FGF12: variants seen among roughly 807,000 people sequenced by gnomAD.
FGF12 encodes the protein fibroblast growth factor 12, also known as fibroblast growth factor 12B.
In FGF12, 14 loss-of-function variants were observed where a neutral mutation model predicts 23.6. That is an observed-to-expected ratio of 0.59 (90% CI 0.39 to 0.93). FGF12 has a LOEUF of 0.93. Among genes scored for constraint, FGF12 ranks in the 40% least tolerant of loss-of-function variants. FGF12 has a pLI of 0.00. For synonymous variants in FGF12, 62 were observed against 77.3 expected (o/e 0.80, Z 1.04); for missense variants, 175 against 217.8 (o/e 0.80, Z 1.24).
intron 5 of FGF12, among the ~76,000 whole-genome samples, chr3:192,149,395 T>C (rs1713916373): frequency 6.8e-6 from 1 of 147,402 alleles, no homozygotes; most frequent in Non-Finnish European, 1.5e-5. Context: ...ACATGTGCCA[T>C]GCTGGTGCAC....
At chr3:192,675,441 T>C (rs1054207615) in intron 2 of FGF12, among the ~76,000 whole-genome samples, 49 of 152,204 alleles carry the variant, frequency 3.2e-4, no homozygotes, top group Non-Finnish European at 4.4e-5. Flanking sequence ...TATAATTTAT[T>C]ATGCACACTC....
chr3:192,546,402 T>TAA (rs1301884219), intron 2 of FGF12, among the ~76,000 whole-genome samples: 1 of 151,072 alleles, frequency 6.6e-6, no homozygotes, highest in Non-Finnish European at 1.5e-5. Flanking sequence ...TATATATATA[T>TAA]AATTCATAAA....
chr3:192,319,062 C>T (rs1018546831), intron 4 of FGF12, among the ~76,000 whole-genome samples: 1 of 152,114 alleles, frequency 6.6e-6, no homozygotes, highest in Non-Finnish European at 1.5e-5. Flanking sequence ...TGAAGACCTT[C>T]TCAGATAAAC....
Position 192,585,964 on chromosome 3 carries a change from A to T in FGF12, c.13+141217T>A, listed in dbSNP as rs576799944. On this transcript the variant is annotated intron_variant, in intron 2 of 5. Transcript: ENST00000445105. The stretch of plus-strand genomic sequence containing the variant: ...AGCAGTAATAATATATGAAGAGAAA[A>T]TATTGTATTGAAAAAATTTTTCAAA... Among the ~76,000 whole-genome samples the T allele has an allele frequency of 2.0e-5, 3 of 152,326 alleles. No homozygotes were observed. The South Asian group carries it at 6.2e-4, about 32-fold the overall frequency.
At chr3:192,288,499 G>T (rs1045596390) in intron 4 of FGF12, among the ~76,000 whole-genome samples, 1 of 151,916 alleles carries the variant, frequency 6.6e-6, no homozygotes, top group Non-Finnish European at 1.5e-5. Context: ...TGTTATAGCT[G>T]ATATCCAGAT....
At chr3:192,605,966 C>A (rs898407810) in intron 2 of FGF12, among the ~76,000 whole-genome samples, 1 of 152,162 alleles carries the variant, frequency 6.6e-6, no homozygotes, top group Admixed American at 6.5e-5. Context: ...TTGGAGATTT[C>A]TCAAAGAACT....
chr3:192,480,142 A>C (rs1723441160), intron 2 of FGF12, among the ~76,000 whole-genome samples: 1 of 152,210 alleles, frequency 6.6e-6, no homozygotes, highest in South Asian at 2.1e-4. Flanking sequence ...AAGAAAGGGA[A>C]TTACAGAATC....
chr3:192,409,691 G>T lies in FGF12; in HGVS notation c.14-49153C>A, dbSNP rs1317604385. Among the ~76,000 whole-genome samples, 1 of 152,178 alleles carries T rather than the reference G, an allele frequency of 6.6e-6. No individual in the cohort carries two copies. Among genetic ancestry groups the T allele is most frequent in the Non-Finnish European group, 1.5e-5 (1 of 68,014 alleles). On this transcript the variant is annotated intron_variant, in intron 2 of 5. Coordinates refer to ENST00000445105, the MANE Select transcript of FGF12 (RefSeq NM_004113.6). This position sits in a 1 kb window ranked among gnomAD's most constrained non-coding sequence, Gnocchi z 4.8. Reference sequence around the variant, plus strand: ...CTCGCGGCGGCTGAGGCTCCTGGCCGGAGCTGCCCACCATGGTCTGGCGCC... The same window carrying T: ...CTCGCGGCGGCTGAGGCTCCTGGCCTGAGCTGCCCACCATGGTCTGGCGCC...
chr3:192,702,531 G>A (rs781715373), intron 2 of FGF12, among the ~76,000 whole-genome samples: 5 of 151,042 alleles, frequency 3.3e-5, no homozygotes, highest in African/African-American at 9.9e-5. Context: ...AGTGGATCAC[G>A]CCTGTAATCC....
At chr3:192,625,276 C>T (rs978481734) in intron 2 of FGF12, among the ~76,000 whole-genome samples, 9 of 152,068 alleles carry the variant, frequency 5.9e-5, no homozygotes, top group African/African-American at 1.7e-4. Flanking sequence ...TATACCAATT[C>T]TCATACTTGT....
rs1712074451 is a variant in FGF12 at position 192,562,243 on chromosome 3, G to A, written c.13+164938C>T. On this transcript the variant is annotated intron_variant, in intron 2 of 5. Transcript: ENST00000445105. The stretch of plus-strand genomic sequence containing the variant: ...AGATAATTGGTTGTGGGTGGGTGGG[G>A]AAGAGACTGACTGGAAGGGATGTGA... Among the ~76,000 whole-genome samples the A allele has an allele frequency of 2.6e-5, 4 of 152,268 alleles. No homozygotes were observed. The South Asian group carries it at 8.3e-4, about 32-fold the overall frequency.
At chr3:192,345,151 A>G (rs1298240231) in intron 3 of FGF12, among the ~76,000 whole-genome samples, 2 of 152,226 alleles carry the variant, frequency 1.3e-5, no homozygotes, top group Non-Finnish European at 2.9e-5. Flanking sequence ...TATATTCCAG[A>G]CATTGTGCCA....
intron 5 of FGF12, among the ~76,000 whole-genome samples, chr3:192,167,756 TATATATATATATAA>T (rs1347019893): frequency 1.9e-4 from 6 of 32,302 alleles, no homozygotes; most frequent in African/African-American, 5.3e-4. Flanking sequence ...TATATATATA[TATATATATATATAA>T]AATTTTTTTT....
chr3:192,517,924 A>G (rs1481323303), intron 2 of FGF12, among the ~76,000 whole-genome samples: 1 of 152,178 alleles, frequency 6.6e-6, no homozygotes, highest in African/African-American at 2.4e-5. Context: ...GCAATATATC[A>G]GAATTCATTT....
chr3:192,523,290 T>C (rs1724866781), intron 2 of FGF12, among the ~76,000 whole-genome samples: 1 of 152,182 alleles, frequency 6.6e-6, no homozygotes, highest in African/African-American at 2.4e-5. Context: ...AGTTCAAGTA[T>C]TGATGATCAT....
At chr3:192,223,341 A>G (rs1718567343) in intron 4 of FGF12, among the ~76,000 whole-genome samples, 1 of 152,110 alleles carries the variant, frequency 6.6e-6, no homozygotes, top group African/African-American at 2.4e-5. Context: ...GTCACATTTG[A>G]GTTTTTCTTC....
intron 2 of FGF12, among the ~76,000 whole-genome samples, chr3:192,571,667 C>T (rs1329986725): frequency 6.6e-6 from 1 of 152,202 alleles, no homozygotes; most frequent in African/African-American, 2.4e-5. Context: ...GGTTGCTCCC[C>T]CAGGGCAGGG....
At chr3:192,691,996 C>T (rs1363131019) in intron 2 of FGF12, among the ~76,000 whole-genome samples, 2 of 152,030 alleles carry the variant, frequency 1.3e-5, no homozygotes, top group Non-Finnish European at 2.9e-5. Context: ...ATACAAATAA[C>T]ACATAAAGAG....
intron 4 of FGF12, among the ~76,000 whole-genome samples, chr3:192,307,936 G>A (rs1479083235): frequency 6.6e-6 from 1 of 152,080 alleles, no homozygotes; most frequent in Non-Finnish European, 1.5e-5. Flanking sequence ...AGATAGTAGG[G>A]ACTTCATTTT....
Sources: gnomAD v4.1 joint callset for allele counts (sites outside exome capture counted in the v4.1 genomes callset) on GRCh38, gnomAD v4.1.1 for gene constraint, Gnocchi (gnomAD v3.1) non-coding constraint, MANE v1.5 for transcripts, NCBI Gene and HGNC (gene_info 2026-07-23, HGNC 2026-07-21) for gene names.